SORCS3: variants seen among roughly 807,000 people sequenced by gnomAD.
SORCS3 encodes VPS10 domain-containing receptor SorCS3.
SORCS3 carries 57 observed loss-of-function variants against 146.3 expected under a neutral mutation model. The observed-to-expected ratio is 0.39, with a 90% CI of 0.31 to 0.49. SORCS3 has a LOEUF of 0.49. SORCS3 is among the 20% of genes least tolerant of loss of function. The pLI is 0.92. For synonymous variants in SORCS3, 653 were observed against 618.5 expected, an observed-to-expected ratio of 1.06 and a Z score of -0.83; for missense variants, 1,341 against 1,575.5, an observed-to-expected ratio of 0.85 and a Z score of 2.52.
chr10:104,973,485 AG>A (rs1427179136), intron 3 of SORCS3, among the ~76,000 whole-genome samples: 2 of 151,896 alleles, frequency 1.3e-5, no homozygotes, highest in African/African-American at 4.8e-5. Flanking sequence ...ATTTCTGTAG[AG>A]GTGTTTGTAG....
At chr10:105,209,943 G>C (rs964247816) in intron 16 of SORCS3, among the ~76,000 whole-genome samples, 6 of 152,098 alleles carry the variant, frequency 3.9e-5, no homozygotes, top group Admixed American at 6.6e-5. Context: ...GGGGTATGCT[G>C]TATCTCTCTC....
intron 7 of SORCS3, among the ~76,000 whole-genome samples, chr10:105,136,020 C>T (rs968610631): frequency 6.6e-6 from 1 of 152,138 alleles, no homozygotes; most frequent in African/African-American, 2.4e-5. Flanking sequence ...GTATTCACTT[C>T]AAAACTGTTC....
At chr10:104,917,094 T>C (rs2019037688) in intron 3 of SORCS3, among the ~76,000 whole-genome samples, 1 of 152,170 alleles carries the variant, frequency 6.6e-6, no homozygotes, top group Non-Finnish European at 1.5e-5. Flanking sequence ...GCATTGGTGA[T>C]AGATAGCCAA....
At chr10:105,094,803 A>T (rs577806032) in intron 6 of SORCS3, among the ~76,000 whole-genome samples, 2 of 152,214 alleles carry the variant, frequency 1.3e-5, no homozygotes, top group African/African-American at 4.8e-5. Flanking sequence ...AGCATTCTGG[A>T]TAGAGAGAAG....
intron 1 of SORCS3, among the ~76,000 whole-genome samples, chr10:104,798,444 A>G (rs2496028): frequency 0.25 from 37,859 of 152,104 alleles, 4,901 homozygotes; most frequent in African/African-American, 0.32. Context: ...TAACAATCAC[A>G]GAGAAGCTCT....
intron 4 of SORCS3, among the ~76,000 whole-genome samples, chr10:105,004,344 A>C (rs1294535005): frequency 1.3e-5 from 2 of 152,196 alleles, no homozygotes; most frequent in Non-Finnish European, 2.9e-5. Context: ...GGTTTAAGGA[A>C]GCAACATGGC....
intron 1 of SORCS3, among the ~76,000 whole-genome samples, chr10:104,770,081 A>G (rs977147703): frequency 3.3e-5 from 5 of 152,164 alleles, no homozygotes; most frequent in African/African-American, 1.2e-4. Flanking sequence ...AACTATTAAA[A>G]AGTTAGATTC....
intron 1 of SORCS3, among the ~76,000 whole-genome samples, chr10:104,793,188 T>C (rs1482173022): frequency 1.3e-5 from 2 of 152,164 alleles, no homozygotes; most frequent in Admixed American, 1.3e-4. Context: ...GAATAGGAAG[T>C]TGAACTCTGT....
At chr10:104,863,995 G>A (rs2018433340) in intron 2 of SORCS3, among the ~76,000 whole-genome samples, 1 of 152,182 alleles carries the variant, frequency 6.6e-6, no homozygotes, top group South Asian at 2.1e-4. Flanking sequence ...GAGGACAAGT[G>A]AGGGCAATAT....
chr10:104,966,477 A>G lies in SORCS3; in HGVS notation c.796-10858A>G, dbSNP rs540177421. On this transcript the variant is annotated intron_variant, in intron 3 of 26. Transcript: ENST00000369701. ...TCTACCATTAGGACTCAATTATACA[A>G]TAAATTATAGCCTTTCTTTTTTTAT... is the stretch of plus-strand genomic sequence containing the variant. Among the ~76,000 whole-genome samples the G allele has an allele frequency of 1.3e-4, 20 of 152,340 alleles. No individual in the cohort carries two copies. The South Asian group carries it at 3.9e-3, about 30-fold the overall frequency.
intron 5 of SORCS3, among the ~76,000 whole-genome samples, chr10:105,046,217 G>A (rs2055370611): frequency 6.6e-6 from 1 of 152,102 alleles, no homozygotes; most frequent in Non-Finnish European, 1.5e-5. Flanking sequence ...CTTGTGGTAT[G>A]TAGACAAATA....
intron 1 of SORCS3, among the ~76,000 whole-genome samples, chr10:104,673,081 CT>C (rs2133258822): frequency 6.6e-6 from 1 of 152,126 alleles, no homozygotes; most frequent in African/African-American, 2.4e-5. Flanking sequence ...CCTTTGTTCG[CT>C]TTTGGTTAAT....
intron 5 of SORCS3, among the ~76,000 whole-genome samples, chr10:105,079,022 T>C (rs2055606580): frequency 6.6e-6 from 1 of 152,208 alleles, no homozygotes; most frequent in African/African-American, 2.4e-5. Flanking sequence ...ATCTAAAAGC[T>C]ATTGATTCCT....
rs140376320 is a variant in SORCS3 at position 105,081,661 on chromosome 10, G to C, written c.1029-8114G>C. Among the ~76,000 whole-genome samples the C allele has an allele frequency of 5.3e-5, 8 of 152,278 alleles. No individual in the cohort carries two copies. The East Asian group carries it at 1.5e-3, about 29-fold the overall frequency. On this transcript the variant is annotated intron_variant, in intron 5 of 26. Coordinates refer to ENST00000369701, the MANE Select transcript of SORCS3 (RefSeq NM_014978.3). ...TTGACCTTTTCTGGCACTTCTGTTA[G>C]TAGCACCTGTGAGTCTGTGGTTCTA...
intron 14 of SORCS3, among the ~76,000 whole-genome samples, chr10:105,198,349 T>A (rs2056555529): frequency 6.6e-6 from 1 of 152,112 alleles, no homozygotes; most frequent in Admixed American, 6.6e-5. Flanking sequence ...TTTTGAAGGC[T>A]GGATAGAGAA....
intron 3 of SORCS3, among the ~76,000 whole-genome samples, chr10:104,921,036 A>G (rs2019081398): frequency 6.6e-6 from 1 of 152,236 alleles, no homozygotes; most frequent in African/African-American, 2.4e-5. Flanking sequence ...GGAATAGTAT[A>G]TTAGCTCTGG....
chr10:104,927,320 A>C (rs2019158525), intron 3 of SORCS3, among the ~76,000 whole-genome samples: 1 of 152,210 alleles, frequency 6.6e-6, no homozygotes, highest in Admixed American at 6.5e-5. Context: ...TAGCCATCAT[A>C]GTTGCTCAAT....
intron 1 of SORCS3, among the ~76,000 whole-genome samples, chr10:104,746,222 C>T (rs1348675056): frequency 3.3e-5 from 5 of 151,004 alleles, no homozygotes; most frequent in African/African-American, 9.8e-5. Flanking sequence ...CTGCAAGCTC[C>T]GCCTCCCAGG....
intron 2 of SORCS3, among the ~76,000 whole-genome samples, chr10:104,846,990 C>T (rs1441378072): frequency 1.3e-5 from 2 of 152,162 alleles, no homozygotes; most frequent in Non-Finnish European, 2.9e-5. Context: ...CAGACATAAC[C>T]CTCCTATTTA....
Sources: gnomAD v4.1 joint callset for allele counts (sites outside exome capture counted in the v4.1 genomes callset) on GRCh38, gnomAD v4.1.1 for gene constraint, MANE v1.5 for transcripts, NCBI Gene and HGNC (gene_info 2026-07-23, HGNC 2026-07-21) for gene names.